The following CDH12 variants were observed in gnomAD, a reference collection of about 807,000 sequenced individuals.
CDH12 encodes the protein cadherin-12.
Under a neutral mutation model 74.1 loss-of-function variants are expected in CDH12, and 41 were observed. The observed-to-expected ratio is 0.55, with a 90% CI of 0.43 to 0.72. The LOEUF is 0.72. CDH12 is among the 30% of genes least tolerant of loss of function. The pLI, the probability that CDH12 is intolerant of heterozygous loss-of-function variation, is 0.00. For missense variants in CDH12, 945 were observed against 977.2 expected (o/e 0.97, Z 0.44); for synonymous variants, 399 against 355.0 (o/e 1.12, Z -1.39).
At chr5:22,497,142 CAT>C (rs1747134224) in intron 2 of CDH12, among the ~76,000 whole-genome samples, 8 of 152,160 alleles carry the variant, frequency 5.3e-5, no homozygotes, top group Admixed American at 5.2e-4. Flanking sequence ...TAACGCCTGA[CAT>C]AGAAAGTGTG....
chr5:22,207,910 A>AT (rs894759285), intron 4 of CDH12, among the ~76,000 whole-genome samples: 165 of 152,344 alleles, frequency 1.1e-3, no homozygotes, highest in African/African-American at 3.5e-3. Context: ...AAGGTTCCCT[A>AT]TTTATAATAA....
At chr5:22,340,111 G>T (rs563694543) in intron 3 of CDH12, among the ~76,000 whole-genome samples, 3 of 152,166 alleles carry the variant, frequency 2.0e-5, no homozygotes, top group African/African-American at 7.2e-5. Flanking sequence ...AAACGAATTG[G>T]AGCTATTTGA....
chr5:22,123,062 T>C (rs919867897), intron 4 of CDH12, among the ~76,000 whole-genome samples: 17 of 152,302 alleles, frequency 1.1e-4, no homozygotes, highest in African/African-American at 3.8e-4. Context: ...CCATATGTGC[T>C]ATAGAAAAAA....
At position 22,259,132 on chromosome 5, in the gene CDH12, A is replaced by G. The variant is rs143604249; in HGVS notation, c.-332-46489T>C. Reference sequence around the variant, plus strand: ...CTGGACTTGTCTCACTGAACAATATATAAACTCAAATATTGGCCCATAATA... The same window carrying G: ...CTGGACTTGTCTCACTGAACAATATGTAAACTCAAATATTGGCCCATAATA... On this transcript the variant is annotated intron_variant, in intron 3 of 14. Coordinates refer to ENST00000382254, the MANE Select transcript of CDH12 (RefSeq NM_004061.5). 2.1e-3 allele frequency among the ~76,000 whole-genome samples: 327 copies of G among 152,302 alleles called. 2 individuals carry two copies. Among genetic ancestry groups the G allele is most frequent in the African/African-American group, 7.4e-3 (309 of 41,570 alleles).
chr5:22,390,575 G>GAGATAGATAGATAGATAGAT (rs5866562), intron 3 of CDH12, among the ~76,000 whole-genome samples: 1 of 148,158 alleles, frequency 6.7e-6, no homozygotes, highest in African/African-American at 2.5e-5. Context: ...GATGGATGGA[G>GAGATAGATAGATAGATAGAT]AGATAGATAG....
chr5:21,982,773 T>C (rs1757364082), intron 5 of CDH12, among the ~76,000 whole-genome samples: 1 of 152,130 alleles, frequency 6.6e-6, no homozygotes, highest in Non-Finnish European at 1.5e-5. Context: ...CAACTAATAC[T>C]CTTTTTACAC....
At chr5:22,349,473 T>G (rs946227299) in intron 3 of CDH12, among the ~76,000 whole-genome samples, 3 of 152,232 alleles carry the variant, frequency 2.0e-5, no homozygotes, top group Admixed American at 2.0e-4. Context: ...GTTTCAAATT[T>G]TAAATTTATT....
At chr5:22,591,010 G>A (rs1001259845) in intron 1 of CDH12, among the ~76,000 whole-genome samples, 5 of 151,992 alleles carry the variant, frequency 3.3e-5, no homozygotes, top group South Asian at 2.1e-4. Flanking sequence ...TGAGATGTGC[G>A]CCTGTAACTC....
chr5:21,882,122 C>T (rs1296480535), intron 6 of CDH12, among the ~76,000 whole-genome samples: 1 of 152,144 alleles, frequency 6.6e-6, no homozygotes, highest in East Asian at 1.9e-4. Flanking sequence ...TTCAGTAATA[C>T]CATTTTAGCT....
intron 8 of CDH12, among the ~76,000 whole-genome samples, chr5:21,821,111 A>G (rs1260778593): frequency 6.6e-6 from 1 of 151,894 alleles, no homozygotes; most frequent in Admixed American, 6.6e-5. Flanking sequence ...AAAATCAGGT[A>G]GTTATAAGCT....
intron 1 of CDH12, among the ~76,000 whole-genome samples, chr5:22,555,647 G>A (rs911012730): frequency 3.3e-5 from 5 of 151,758 alleles, no homozygotes; most frequent in African/African-American, 1.2e-4. Flanking sequence ...ATCATTTCGT[G>A]GTCATCTTCA....
chr5:22,057,860 T>A (rs1740850091), intron 5 of CDH12, among the ~76,000 whole-genome samples: 1 of 152,162 alleles, frequency 6.6e-6, no homozygotes, highest in African/African-American at 2.4e-5. Context: ...CTCTGTGTTC[T>A]CCAGAGAACC....
chr5:22,190,047 G>T (rs1244551262), intron 4 of CDH12, among the ~76,000 whole-genome samples: 1 of 151,804 alleles, frequency 6.6e-6, no homozygotes, highest in Non-Finnish European at 1.5e-5. Flanking sequence ...GGACTAATTG[G>T]GCCAACAGAG....
intron 1 of CDH12, among the ~76,000 whole-genome samples, chr5:22,707,040 C>A (rs1345104075): frequency 1.3e-5 from 2 of 152,064 alleles, no homozygotes; most frequent in Non-Finnish European, 2.9e-5. Flanking sequence ...TCAGCAGGGT[C>A]CCATTTGAAC....
At chr5:22,057,974 T>A (rs116637552) in intron 5 of CDH12, among the ~76,000 whole-genome samples, 101 of 152,276 alleles carry the variant, frequency 6.6e-4, no homozygotes, top group African/African-American at 2.3e-3. Context: ...ATCTGGTTTA[T>A]TTTCAAAGTT....
chr5:22,123,494 G>A (rs1745644454), intron 4 of CDH12, among the ~76,000 whole-genome samples: 1 of 152,144 alleles, frequency 6.6e-6, no homozygotes. Context: ...CCAAAGTTTA[G>A]TATTAGCAAC....
chr5:22,632,310 C>G (rs943479682), intron 1 of CDH12, among the ~76,000 whole-genome samples: 1 of 152,044 alleles, frequency 6.6e-6, no homozygotes, highest in African/African-American at 2.4e-5. Context: ...GTTACCCAGT[C>G]TCAGGAGTTC....
chr5:22,622,137 T>G (rs1738004818), intron 1 of CDH12, among the ~76,000 whole-genome samples: 1 of 150,704 alleles, frequency 6.6e-6, no homozygotes, highest in African/African-American at 2.4e-5. Flanking sequence ...GGAAAAATAT[T>G]AAGGAAATTA....
chr5:22,392,731 C>G (rs1742295928), intron 3 of CDH12, among the ~76,000 whole-genome samples: 1 of 152,104 alleles, frequency 6.6e-6, no homozygotes, highest in South Asian at 2.1e-4. Context: ...TAGGAAAGTA[C>G]AAAGCAGAGT....
Sources: allele counts gnomAD v4.1 joint callset (sites outside exome capture counted in the v4.1 genomes callset), GRCh38; gene constraint gnomAD v4.1.1; transcripts MANE v1.5; gene names NCBI Gene and HGNC (gene_info 2026-07-23, HGNC 2026-07-21).